The following CELF1 variants were observed in gnomAD, a reference collection of about 807,000 sequenced individuals.
CELF1 encodes CUGBP Elav-like family member 1, also known as 50 kDa nuclear polyadenylated RNA-binding protein.
A neutral mutation model predicts 61.8 loss-of-function variants in CELF1; 10 were observed. The observed-to-expected ratio is 0.16, with a 90% CI of 0.10 to 0.27. The LOEUF (loss-of-function observed/expected upper bound fraction) is 0.27. CELF1 is among the 10% of genes least tolerant of loss of function. The pLI, the probability that CELF1 is intolerant of heterozygous loss-of-function variation, is 1.00. For synonymous variants in CELF1, 236 were observed against 225.1 expected (o/e 1.05, Z -0.43); for missense variants, 380 against 639.1 (o/e 0.59, Z 4.37).
rs761653876 is a variant in CELF1, at chr11:47,477,269, T to C, written c.973+28A>G. On this transcript the variant is annotated intron_variant, in intron 11 of 14. Transcript: ENST00000687097. ...CAAAGCATCTGTCCAAGGCACATAATGGCACACTGGGTCATCCTCATGCTT... is the reference window on the plus strand; with the variant it reads ...CAAAGCATCTGTCCAAGGCACATAACGGCACACTGGGTCATCCTCATGCTT... 1.7e-5 allele frequency: 28 copies of C among 1,613,408 alleles called. 1 individual carries two copies. The South Asian group carries it at 3.1e-4, about 18-fold the overall frequency.
chr11:47,492,554 C>G (rs560204798), intron 3 of CELF1, among the ~76,000 whole-genome samples: 1 of 152,220 alleles, frequency 6.6e-6, no homozygotes, highest in Non-Finnish European at 1.5e-5. Context: ...ACATGGTAAA[C>G]TCCGTCTCTA....
chr11:47,535,911 T>C (rs993113225), intron 1 of CELF1, among the ~76,000 whole-genome samples: 1 of 151,514 alleles, frequency 6.6e-6, no homozygotes, highest in African/African-American at 2.4e-5. Context: ...TACAGGCGTG[T>C]GCCACCGTGC....
At chr11:47,480,816 C>T (rs1421719964) in intron 9 of CELF1, among the ~76,000 whole-genome samples, 1 of 152,158 alleles carries the variant, frequency 6.6e-6, no homozygotes, top group Non-Finnish European at 1.5e-5. Context: ...AGGCAAATCA[C>T]TTGAGGTCGG....
chr11:47,540,983 G>T (rs2096760295), intron 1 of CELF1, among the ~76,000 whole-genome samples: 1 of 152,142 alleles, frequency 6.6e-6, no homozygotes, highest in African/African-American at 2.4e-5. Flanking sequence ...ATCTAGCATG[G>T]TAAGTTAGCA....
rs2093795539 is a variant in CELF1, at chr11:47,500,750, A to C, written c.-82+111T>G. On this transcript the variant is annotated intron_variant, in intron 2 of 14. Coordinates refer to ENST00000687097, the MANE Select transcript of CELF1 (RefSeq NM_001376376.1). ...TCAATTTAGCTCCACATCCCCCCAA[A>C]CAACAAATGGCGGCATTTCAATATT... 7.6e-6 allele frequency: 3 copies of C among 394,956 alleles called. No homozygotes were observed. The East Asian group carries it at 1.1e-4, about 14-fold the overall frequency. 24.5% of individuals were successfully genotyped at this position (394,956 alleles called of 1,614,324 possible).
upstream of CELF1, among the ~76,000 whole-genome samples, chr11:47,556,001 A>G (rs983249975): frequency 1.4e-4 from 18 of 133,280 alleles, no homozygotes; most frequent in Non-Finnish European, 2.7e-4. Flanking sequence ...CTCTGTCTCA[A>G]AAAAAAAAAA....
chr11:47,541,780 A>C lies in CELF1; in HGVS notation c.-154+11212T>G, dbSNP rs1461651733. On this transcript the variant is annotated intron_variant, in intron 1 of 14. Transcript: ENST00000687097. Reference sequence around the variant, plus strand: ...AACGAAAGAAAGAACGAAAGAAAGAACGAAAGAAAGAACGAAAGAAAGAAA... The same window carrying C: ...AACGAAAGAAAGAACGAAAGAAAGACCGAAAGAAAGAACGAAAGAAAGAAA... 7.4e-3 allele frequency among the ~76,000 whole-genome samples: 114 copies of C among 15,406 alleles called. 19 individuals carry two copies. Among genetic ancestry groups the C allele is most frequent in the African/African-American group, 0.016 (108 of 6,754 alleles). 10.1% of individuals were successfully genotyped at this position (15,406 alleles called of 152,430 possible).
intron 1 of CELF1, among the ~76,000 whole-genome samples, chr11:47,501,697 C>A (rs1260603766): frequency 1.3e-5 from 2 of 152,104 alleles, no homozygotes; most frequent in East Asian, 3.9e-4. Context: ...GTGGCACACG[C>A]CTGTAACCCC....
intron 10 of CELF1, 166 bp from the exon 11 acceptor site, chr11:47,477,591 A>G (rs1050022837): frequency 1.7e-6 from 1 of 596,338 alleles, no homozygotes; most frequent in East Asian, 2.8e-5. Flanking sequence ...TTCATGTATC[A>G]CTCATTAAGA....
At chr11:47,550,325 G>GAA (rs2097105421) in intron 1 of CELF1, among the ~76,000 whole-genome samples, 1 of 151,952 alleles carries the variant, frequency 6.6e-6, no homozygotes, top group Non-Finnish European at 1.5e-5. Context: ...GAGGTCAGGA[G>GAA]TTCTAGATCG....
chr11:47,542,103 C>T (rs2096822701), intron 1 of CELF1, among the ~76,000 whole-genome samples: 1 of 152,138 alleles, frequency 6.6e-6, no homozygotes, highest in Non-Finnish European at 1.5e-5. Context: ...GGCGCGGTGG[C>T]GTGCGTCTGT....
intron 10 of CELF1, chr11:47,477,639 C>A: frequency 2.0e-6 from 1 of 489,256 alleles, no homozygotes; most frequent in Non-Finnish European, 3.7e-6. Context: ...GATGGCTAAT[C>A]CAATAGCATA....
At chr11:47,551,268 C>A (rs1487299307) in intron 1 of CELF1, among the ~76,000 whole-genome samples, 2 of 152,066 alleles carry the variant, frequency 1.3e-5, no homozygotes, top group African/African-American at 2.4e-5. Flanking sequence ...GTGATCTGGG[C>A]CAAAGGCCAT....
At chr11:47,556,432 C>G (rs1254949248), upstream of CELF1, among the ~76,000 whole-genome samples, 1 of 152,198 alleles carries the variant, frequency 6.6e-6, no homozygotes, top group African/African-American at 2.4e-5. Context: ...CAACCCTCCC[C>G]ACTCGGCCTT....
At chr11:47,558,778 A>T (rs1451846560) in intron 2 of CELF1, among the ~76,000 whole-genome samples, 8 of 117,918 alleles carry the variant, frequency 6.8e-5, no homozygotes, top group African/African-American at 2.3e-4. Flanking sequence ...TTGTATATAT[A>T]ATATATATAT....
chr11:47,502,396 G>A (rs568307019), intron 1 of CELF1, among the ~76,000 whole-genome samples: 1 of 152,200 alleles, frequency 6.6e-6, no homozygotes, highest in South Asian at 2.1e-4. Context: ...TTTAGAAAGA[G>A]GTTATGAAGT....
At chr11:47,550,505 C>T (rs1053431637) in intron 1 of CELF1, among the ~76,000 whole-genome samples, 4 of 152,090 alleles carry the variant, frequency 2.6e-5, no homozygotes, top group Admixed American at 1.3e-4. Flanking sequence ...CAGAGCAAGA[C>T]TCCATGGCGG....
chr11:47,511,416 T>C (rs1341589316), intron 1 of CELF1, among the ~76,000 whole-genome samples: 1 of 148,932 alleles, frequency 6.7e-6, no homozygotes, highest in African/African-American at 2.5e-5. Flanking sequence ...ATCAATATTA[T>C]ATCTGGCTTT....
At chr11:47,478,468 T>G (rs2081258890) in intron 10 of CELF1, among the ~76,000 whole-genome samples, 1 of 152,246 alleles carries the variant, frequency 6.6e-6, no homozygotes, top group African/African-American at 2.4e-5. Flanking sequence ...ATGCCTGGGT[T>G]CTAGAAGCTT....
Sources: allele counts gnomAD v4.1 joint callset (sites outside exome capture counted in the v4.1 genomes callset), GRCh38; gene constraint gnomAD v4.1.1; transcripts MANE v1.5; gene names NCBI Gene and HGNC (gene_info 2026-07-23, HGNC 2026-07-21).